The following CADPS2 variants were observed in gnomAD, a reference collection of about 807,000 sequenced individuals.
The protein encoded by CADPS2 is calcium-dependent secretion activator 2.
A neutral mutation model predicts 172.5 loss-of-function variants in CADPS2; 93 were observed. The observed-to-expected ratio is 0.54, with a 90% CI of 0.46 to 0.64. The LOEUF (loss-of-function observed/expected upper bound fraction) is 0.64. Among genes scored for constraint, CADPS2 ranks in the 30% least tolerant of loss-of-function variants. CADPS2 has a pLI of 0.00. For synonymous variants in CADPS2, 546 were observed against 555.2 expected (o/e 0.98, Z 0.23); for missense variants, 1,420 against 1,565.9 (o/e 0.91, Z 1.57).
intron 11 of CADPS2, among the ~76,000 whole-genome samples, chr7:122,487,010 A>C (rs1379827778): frequency 7.4e-6 from 1 of 135,206 alleles, no homozygotes; most frequent in Non-Finnish European, 1.6e-5. Flanking sequence ...TATAAACATA[A>C]CTTTTTTTTT....
chr7:122,336,947 T>C (rs1257291906), intron 28 of CADPS2, among the ~76,000 whole-genome samples: 3 of 152,212 alleles, frequency 2.0e-5, no homozygotes, highest in African/African-American at 7.2e-5. Flanking sequence ...TGAGCACTGC[T>C]CAGCTTTTGA....
intron 1 of CADPS2, among the ~76,000 whole-genome samples, chr7:122,775,752 T>C (rs1010343350): frequency 2.6e-5 from 4 of 152,212 alleles, no homozygotes; most frequent in Admixed American, 6.5e-5. Flanking sequence ...TGGATTGTAT[T>C]GATGTTAGAT....
At chr7:122,873,982 A>G (rs1049906230) in intron 1 of CADPS2, among the ~76,000 whole-genome samples, 2 of 151,214 alleles carry the variant, frequency 1.3e-5, no homozygotes, top group Non-Finnish European at 2.9e-5. Context: ...GTGTCTGTTC[A>G]TATCCTTCAC....
intron 11 of CADPS2, among the ~76,000 whole-genome samples, chr7:122,483,772 A>G (rs184625146): frequency 3.1e-4 from 47 of 152,280 alleles, no homozygotes; most frequent in African/African-American, 1.1e-3. Flanking sequence ...ATGAAGATAT[A>G]TAATAAATTT....
chr7:122,865,089 A>G (rs553112214), intron 1 of CADPS2, among the ~76,000 whole-genome samples: 9 of 152,142 alleles, frequency 5.9e-5, no homozygotes, highest in African/African-American at 2.2e-4. Flanking sequence ...GTGGTGAGGG[A>G]GTTCTCACTC....
At chr7:122,641,780 A>G (rs1051452851) in intron 3 of CADPS2, among the ~76,000 whole-genome samples, 1 of 152,066 alleles carries the variant, frequency 6.6e-6, no homozygotes, top group Admixed American at 6.6e-5. Context: ...CATGTTTTCT[A>G]TACCTACAGT....
chr7:122,695,053 T>C (rs1379558861), intron 2 of CADPS2, among the ~76,000 whole-genome samples: 1 of 152,202 alleles, frequency 6.6e-6, no homozygotes, highest in Non-Finnish European at 1.5e-5. Flanking sequence ...CTCACACTAG[T>C]GCAAATAAAT....
At chr7:122,793,605 T>C (rs774969051) in intron 1 of CADPS2, among the ~76,000 whole-genome samples, 21 of 152,176 alleles carry the variant, frequency 1.4e-4, no homozygotes, top group Admixed American at 5.2e-4. Flanking sequence ...TGTCTTTTAA[T>C]TGGGACATTT....
At chr7:122,568,561 T>A (rs1287856050) in intron 7 of CADPS2, among the ~76,000 whole-genome samples, 1 of 152,122 alleles carries the variant, frequency 6.6e-6, no homozygotes, top group Non-Finnish European at 1.5e-5. Flanking sequence ...TACAGATATA[T>A]AGATAATTGA....
intron 1 of CADPS2, among the ~76,000 whole-genome samples, chr7:122,818,174 G>A (rs1207774968): frequency 6.6e-6 from 1 of 151,384 alleles, no homozygotes; most frequent in African/African-American, 2.4e-5. Context: ...CTTCACTATG[G>A]GCAACCTTCC....
At chr7:122,416,290 T>G (rs2047905982) in intron 17 of CADPS2, 126 bp from the exon 18 acceptor site, 3 of 460,364 alleles carry the variant, frequency 6.5e-6, no homozygotes, top group Non-Finnish European at 1.1e-5. Flanking sequence ...GAATACATTA[T>G]TTAGACAAAA....
At chr7:122,590,255 G>A (rs1001460455) in intron 6 of CADPS2, among the ~76,000 whole-genome samples, 4 of 151,832 alleles carry the variant, frequency 2.6e-5, no homozygotes, top group Non-Finnish European at 4.4e-5. Context: ...AAATAGTGTG[G>A]TCCTGGCAAA....
At chr7:122,684,550 T>C (rs900180555) in intron 2 of CADPS2, among the ~76,000 whole-genome samples, 2 of 152,216 alleles carry the variant, frequency 1.3e-5, no homozygotes, top group East Asian at 3.8e-4. Flanking sequence ...ATTATTGTTA[T>C]GCATTTTAGA....
At chr7:122,705,035 G>C (rs1233328312) in intron 2 of CADPS2, among the ~76,000 whole-genome samples, 7 of 152,092 alleles carry the variant, frequency 4.6e-5, no homozygotes, top group Admixed American at 4.6e-4. Flanking sequence ...AACCCCGATG[G>C]GTGGTCAGGT....
At chr7:122,866,651 A>T (rs1340639312) in intron 1 of CADPS2, among the ~76,000 whole-genome samples, 1 of 152,230 alleles carries the variant, frequency 6.6e-6, no homozygotes, top group Non-Finnish European at 1.5e-5. Context: ...CAGTGAGTTG[A>T]GATTGTGCCA....
chr7:122,543,995 T>C (rs1337812761), intron 8 of CADPS2, among the ~76,000 whole-genome samples: 1 of 152,142 alleles, frequency 6.6e-6, no homozygotes, highest in African/African-American at 2.4e-5. Context: ...GGTAGAACTA[T>C]CTAGTAAAAC....
chr7:122,791,528 T>C (rs939767274), intron 1 of CADPS2, among the ~76,000 whole-genome samples: 1 of 152,160 alleles, frequency 6.6e-6, no homozygotes, highest in Non-Finnish European at 1.5e-5. Context: ...CCATTAACAG[T>C]AGTTTTTCAA....
At chr7:122,741,088 T>C (rs996279088) in intron 1 of CADPS2, among the ~76,000 whole-genome samples, 5 of 152,190 alleles carry the variant, frequency 3.3e-5, no homozygotes, top group African/African-American at 1.2e-4. Context: ...ATAACCTAAA[T>C]GTTCATATAT....
chr7:122,467,721 G>T (rs944707769), intron 14 of CADPS2, among the ~76,000 whole-genome samples: 2 of 152,104 alleles, frequency 1.3e-5, no homozygotes, highest in Non-Finnish European at 2.9e-5. Flanking sequence ...ATTTTGTGTT[G>T]CTGCTTCAGT....
Sources: gnomAD v4.1 joint callset for allele counts (sites outside exome capture counted in the v4.1 genomes callset) on GRCh38, gnomAD v4.1.1 for gene constraint, MANE v1.5 for transcripts, NCBI Gene and HGNC (gene_info 2026-07-23, HGNC 2026-07-21) for gene names.